Variants in PCDHA1 observed in about 807,000 individuals in gnomAD.
The protein encoded by PCDHA1 is protocadherin alpha-1.
Under a neutral mutation model 61.3 loss-of-function variants are expected in PCDHA1, and 42 were observed. The observed-to-expected ratio is 0.69, with a 90% CI of 0.54 to 0.89. The LOEUF is 0.89. Among genes scored for constraint, PCDHA1 ranks in the 40% least tolerant of loss-of-function variants. The probability of loss-of-function intolerance (pLI) is 0.00; values close to 1 mark genes in which losing one functional copy is unlikely to be tolerated. For missense variants in PCDHA1, 1,256 were observed against 1,235.3 expected (o/e 1.02, Z -0.25); for synonymous variants, 610 against 553.8 (o/e 1.10, Z -1.43).
In PCDHA1 at chr5:140,800,986, C is replaced by G. The variant is rs4151679; in HGVS notation, c.2394+12302C>G. On this transcript the variant is annotated intron_variant, in intron 1 of 3. Transcript: ENST00000504120. Reference sequence around the variant, plus strand: ...AGAAGATACGTTTACATATTTAATACTTACACGTTTAGCCACATGATGTCG... The same window carrying G: ...AGAAGATACGTTTACATATTTAATAGTTACACGTTTAGCCACATGATGTCG... 14,324 of 1,364,358 alleles carry G rather than the reference C, an allele frequency of 0.01. 1,233 individuals carry two copies. The African/African-American group carries it at 0.19, about 18-fold the overall frequency. 84.5% of individuals were successfully genotyped at this position (1,364,358 alleles called of 1,614,324 possible). A position where few individuals can be genotyped will look rare whatever the true frequency, so the allele number is the denominator to read the frequency against.
intron 1 of PCDHA1, among the ~76,000 whole-genome samples, chr5:140,938,194 C>T (rs782229712): frequency 5.9e-5 from 9 of 152,206 alleles, no homozygotes; most frequent in South Asian, 2.1e-4. Context: ...AATCCTCCCA[C>T]GCCAGCCTCC....
intron 1 of PCDHA1, chr5:140,807,929 A>G (rs1764068050): frequency 1.9e-6 from 3 of 1,614,142 alleles, no homozygotes; most frequent in Non-Finnish European, 2.5e-6. Flanking sequence ...AACCATTTAT[A>G]AGGTGAGATT....
chr5:140,841,148 C>T, intron 1 of PCDHA1: 1 of 776,052 alleles, frequency 1.3e-6, no homozygotes, highest in Non-Finnish European at 2.0e-6. Context: ...CATGATGTCG[C>T]TGTCTACCAA....
chr5:140,964,079 G>A (rs1209152794), intron 1 of PCDHA1, among the ~76,000 whole-genome samples: 3 of 152,178 alleles, frequency 2.0e-5, no homozygotes, highest in African/African-American at 7.2e-5. Flanking sequence ...GTTAATATTT[G>A]TAGAAAGGGT....
At chr5:140,857,532 AGCGGCG>A (rs1230491450) in intron 1 of PCDHA1, 2 of 1,597,258 alleles carry the variant, frequency 1.3e-6, no homozygotes, top group African/African-American at 2.7e-5. Flanking sequence ...TCTCTGGTGG[AGCGGCG>A]GTTGGGCGAG....
intron 1 of PCDHA1, among the ~76,000 whole-genome samples, chr5:140,902,680 C>T (rs943072063): frequency 3.9e-5 from 6 of 152,094 alleles, no homozygotes; most frequent in Admixed American, 6.5e-5. Context: ...GTACACCGTA[C>T]CTAATATGTG....
chr5:140,838,539 A>G (rs1185872182), intron 1 of PCDHA1, among the ~76,000 whole-genome samples: 1 of 151,946 alleles, frequency 6.6e-6, no homozygotes, highest in Admixed American at 6.6e-5. Context: ...TTATGGATAT[A>G]TCATGATTTA....
chr5:140,835,843 A>T, intron 1 of PCDHA1: 1 of 1,612,338 alleles, frequency 6.2e-7, no homozygotes, highest in Non-Finnish European at 8.5e-7. Context: ...GCGCAGAAGA[A>T]CGCGCTGGTG....
chr5:140,870,190 C>T (rs1554163883), intron 1 of PCDHA1: 15 of 1,614,174 alleles, frequency 9.3e-6, no homozygotes, highest in Non-Finnish European at 1.1e-5. Flanking sequence ...AGAGGACGCT[C>T]AGCCCAGCAC....
At chr5:140,941,553 G>T in intron 1 of PCDHA1, among the ~76,000 whole-genome samples, 1 of 151,656 alleles carries the variant, frequency 6.6e-6, no homozygotes, top group East Asian at 2.0e-4. Context: ...CTGACCTCGT[G>T]ATCCATTCGC....
Position 141,010,907 on chromosome 5 carries a change from C to G in PCDHA1, c.*970C>G, listed in dbSNP as rs2098418753. 6.5e-6 allele frequency: 1 copy of G among 153,766 alleles called. No individual in the cohort carries two copies. 9.5% of individuals were successfully genotyped at this position (153,766 alleles called of 1,614,324 possible). A position where few individuals can be genotyped will look rare whatever the true frequency, so the allele number is the denominator to read the frequency against. ...GAAATATGAATACAATTCCCCTAAACTCTCCTCAAAAGAGAATTCAGTCTA... is the reference window on the plus strand; with the variant it reads ...GAAATATGAATACAATTCCCCTAAAGTCTCCTCAAAAGAGAATTCAGTCTA... On this transcript the variant is annotated 3_prime_UTR_variant, in exon 4 of 4. Coordinates refer to ENST00000504120, the MANE Select transcript of PCDHA1 (RefSeq NM_018900.4).
intron 1 of PCDHA1, among the ~76,000 whole-genome samples, chr5:140,925,706 T>C (rs371734955): frequency 2.0e-5 from 3 of 151,422 alleles, no homozygotes; most frequent in Admixed American, 6.6e-5. Context: ...AGCCTATTCT[T>C]ATCCTGCCTC....
chr5:141,000,173 C>T (rs2097895007), intron 3 of PCDHA1, among the ~76,000 whole-genome samples: 1 of 151,968 alleles, frequency 6.6e-6, no homozygotes, highest in Non-Finnish European at 1.5e-5. Flanking sequence ...ATTATTGAGC[C>T]AAGGAGTCAA....
At chr5:140,907,416 T>C (rs1209334366) in intron 1 of PCDHA1, among the ~76,000 whole-genome samples, 1 of 152,206 alleles carries the variant, frequency 6.6e-6, no homozygotes, top group East Asian at 1.9e-4. Flanking sequence ...ACCACGATGG[T>C]GGATAAGGCA....
intron 1 of PCDHA1, among the ~76,000 whole-genome samples, chr5:140,874,903 C>T (rs543752012): frequency 1.3e-5 from 2 of 152,172 alleles, no homozygotes; most frequent in South Asian, 4.1e-4. Context: ...TAAAATCTTA[C>T]GATGGAGTGC....
intron 1 of PCDHA1, among the ~76,000 whole-genome samples, chr5:140,818,263 T>C (rs1353101049): frequency 2.0e-5 from 3 of 152,220 alleles, no homozygotes; most frequent in Non-Finnish European, 4.4e-5. Context: ...TAAATCACTT[T>C]TTCTCTTTGT....
chr5:140,875,371 C>T (rs2055439966), intron 1 of PCDHA1: 2 of 1,451,152 alleles, frequency 1.4e-6, no homozygotes, highest in African/African-American at 1.4e-5. Flanking sequence ...AAAAAATTTA[C>T]TAAATATGTA....
At chr5:140,909,082 G>T (rs1190064294) in intron 1 of PCDHA1, among the ~76,000 whole-genome samples, 2 of 152,184 alleles carry the variant, frequency 1.3e-5, no homozygotes, top group Non-Finnish European at 2.9e-5. Context: ...CAGTGTGTTT[G>T]CTACTTCTCA....
intron 1 of PCDHA1, among the ~76,000 whole-genome samples, chr5:140,879,613 T>C (rs2058057940): frequency 6.6e-6 from 1 of 152,200 alleles, no homozygotes; most frequent in Non-Finnish European, 1.5e-5. Context: ...TGTGTCCAGG[T>C]ACTTAGGTGG....
Sources: allele counts gnomAD v4.1 joint callset (sites outside exome capture counted in the v4.1 genomes callset), GRCh38; gene constraint gnomAD v4.1.1; transcripts MANE v1.5; gene names NCBI Gene and HGNC (gene_info 2026-07-23, HGNC 2026-07-21).